Variants in PPP1R36 observed in about 807,000 individuals in gnomAD.
PPP1R36 encodes chromosome 14 open reading frame 50.
Under a neutral mutation model 53.4 loss-of-function variants are expected in PPP1R36, and 47 were observed. The ratio of observed to expected loss-of-function variants is 0.88; its 90% CI spans 0.70 to 1.12. The LOEUF (loss-of-function observed/expected upper bound fraction) is 1.12, where lower values mean the gene tolerates loss of function less well. Ranked by LOEUF, PPP1R36 falls within the 50% of genes most tolerant of loss-of-function variation. PPP1R36 has a pLI of 0.00. For synonymous variants in PPP1R36, 153 were observed against 170.5 expected (o/e 0.90, Z 0.80); for missense variants, 456 against 513.9 (o/e 0.89, Z 1.09).
At chr14:64,576,716 CAT>C (rs1417544135) in intron 8 of PPP1R36, among the ~76,000 whole-genome samples, 3 of 152,100 alleles carry the variant, frequency 2.0e-5, no homozygotes, top group East Asian at 1.9e-4. Flanking sequence ...TTTGATTCAC[CAT>C]GTGTGTGTGA....
Position 64,565,524 on chromosome 14 carries a change from C to T in PPP1R36, c.367+70C>T. 5 of 1,413,532 alleles carry T rather than the reference C, an allele frequency of 3.5e-6. No homozygotes were observed. In the East Asian group the frequency reaches 6.9e-5, roughly 19 times the overall value. 87.6% of individuals were successfully genotyped at this position (1,413,532 alleles called of 1,614,324 possible). A position where few individuals can be genotyped will look rare whatever the true frequency, so the allele number is the denominator to read the frequency against. Reference sequence around the variant, plus strand: ...ATACATACACATATCCATACATAAACATCCGCCCATCTACATATAACATCC... The same window carrying T: ...ATACATACACATATCCATACATAAATATCCGCCCATCTACATATAACATCC... On this transcript the variant is annotated intron_variant, in intron 5 of 11. Coordinates refer to ENST00000298705, the MANE Select transcript of PPP1R36 (RefSeq NM_172365.3).
Position 64,576,991 on chromosome 14 carries a change from A to G in PPP1R36, c.668+2402A>G, listed in dbSNP as rs76561358. 9.9e-3 allele frequency among the ~76,000 whole-genome samples: 1,502 copies of G among 152,308 alleles called. 21 individuals are homozygous for G. Among genetic ancestry groups the G allele is most frequent in the African/African-American group, 0.035 (1,437 of 41,552 alleles). ...CATGTTTTAGCCTGTTTGGGTTGCT[A>G]TAGCAAAGTACCATAGACAGGGTGG... On this transcript the variant is annotated intron_variant, in intron 8 of 11. Transcript: ENST00000298705.
At chr14:64,557,594 G>T (rs1231060486) in intron 3 of PPP1R36, among the ~76,000 whole-genome samples, 1 of 152,118 alleles carries the variant, frequency 6.6e-6, no homozygotes, top group Non-Finnish European at 1.5e-5. Context: ...TTAAAATAAG[G>T]TTTGTACATT....
chr14:64,550,822 T>G (rs2080088441), intron 1 of PPP1R36, 99 bp from the exon 2 acceptor site: 6 of 829,806 alleles, frequency 7.2e-6, no homozygotes, highest in Non-Finnish European at 1.1e-5. Flanking sequence ...ACTTAAAAGA[T>G]GTGTTAGTAA....
chr14:64,561,335 AG>A (rs1306767201), intron 3 of PPP1R36, among the ~76,000 whole-genome samples: 2 of 152,168 alleles, frequency 1.3e-5, no homozygotes, highest in African/African-American at 4.8e-5. Context: ...GAGACAACCT[AG>A]CTCCCTACTC....
At chr14:64,550,130 A>C in intron 1 of PPP1R36, 64 bp downstream of exon 1, 1 of 1,524,328 alleles carries the variant, frequency 6.6e-7, no homozygotes, top group Non-Finnish European at 8.9e-7. Flanking sequence ...GCTGCCCCCA[A>C]CCGGCGCCGC....
intron 8 of PPP1R36, among the ~76,000 whole-genome samples, chr14:64,576,834 C>A (rs1320736167): frequency 2.6e-5 from 4 of 152,164 alleles, no homozygotes; most frequent in Non-Finnish European, 5.9e-5. Flanking sequence ...TGCTGCAGTT[C>A]TGTTATGGAG....
At position 64,585,480 on chromosome 14, in the gene PPP1R36, G is replaced by T. The variant is rs1477809375; in HGVS notation, c.669-1357G>T. ...TGCCGTGAGCCATGATCATGCTACT[G>T]TGCTCCAGCCTGGATGACAGAATGA... is the stretch of plus-strand genomic sequence containing the variant. On this transcript the variant is annotated intron_variant, in intron 8 of 11. Transcript: ENST00000298705. Among the ~76,000 whole-genome samples the T allele has an allele frequency of 7.5e-5, 11 of 146,180 alleles. No homozygotes were observed. In the Admixed American group the frequency reaches 7.6e-4, roughly 10 times the overall value.
At chr14:64,553,592 A>T (rs139970945) in intron 3 of PPP1R36, among the ~76,000 whole-genome samples, 3 of 152,296 alleles carry the variant, frequency 2.0e-5, no homozygotes, top group African/African-American at 7.2e-5. Context: ...AAAAGTTTTG[A>T]CAAATAGGCA....
At chr14:64,551,030 T>C (rs774548280) in intron 2 of PPP1R36, 45 bp downstream of exon 2, 2 of 1,323,326 alleles carry the variant, frequency 1.5e-6, no homozygotes, top group East Asian at 4.6e-5. Context: ...AAAAATTACA[T>C]GTGCCTGGGG....
rs1049400927 is a variant in PPP1R36, at chr14:64,558,903, T to G, written c.183-5848T>G. On this transcript the variant is annotated intron_variant, in intron 3 of 11. Coordinates refer to ENST00000298705, the MANE Select transcript of PPP1R36 (RefSeq NM_172365.3). ...TGCCCGCCTCGGCCTCCCAAAGTGC[T>G]GGGATTACAGGTGTGAGCCACTGTG... 3.9e-5 allele frequency among the ~76,000 whole-genome samples: 6 copies of G among 152,064 alleles called. No homozygotes were observed. In the South Asian group the frequency reaches 1.2e-3, roughly 32 times the overall value.
intron 11 of PPP1R36, chr14:64,588,555 A>ATT (rs34440209): frequency 0.043 from 6,393 of 149,216 alleles, 199 homozygotes; most frequent in East Asian, 0.068. Flanking sequence ...TGAGTAACTG[A>ATT]TTTTTTTTTT....
rs200363604 is a variant in PPP1R36 at position 64,588,075 on chromosome 14, G to C, written c.891-29G>C. The C allele has an allele frequency of 3.2e-6, 5 of 1,567,316 alleles. No homozygotes were observed. In the Admixed American group the frequency reaches 9.0e-5, roughly 28 times the overall value. On this transcript the variant is annotated intron_variant, in intron 10 of 11. Coordinates refer to ENST00000298705, the MANE Select transcript of PPP1R36 (RefSeq NM_172365.3). Reference sequence around the variant, plus strand: ...ACATTTCTAGAAAACAGGGTGATATGACCTAAATGTCACCTTCCTCCCCGA... The same window carrying C: ...ACATTTCTAGAAAACAGGGTGATATCACCTAAATGTCACCTTCCTCCCCGA...
chr14:64,569,165 T>TAC (rs1218612665), intron 7 of PPP1R36, among the ~76,000 whole-genome samples: 1 of 152,200 alleles, frequency 6.6e-6, no homozygotes, highest in Non-Finnish European at 1.5e-5. Flanking sequence ...CGCAGAGGTG[T>TAC]ACACCAGGGC....
At chr14:64,571,606 C>T (rs542203930) in intron 7 of PPP1R36, among the ~76,000 whole-genome samples, 10 of 152,220 alleles carry the variant, frequency 6.6e-5, no homozygotes, top group African/African-American at 2.4e-4. Flanking sequence ...GGTTACATCT[C>T]GTGGAAGACT....
At chr14:64,585,819 C>A (rs983053307) in intron 8 of PPP1R36, among the ~76,000 whole-genome samples, 1 of 152,254 alleles carries the variant, frequency 6.6e-6, no homozygotes, top group Non-Finnish European at 1.5e-5. Context: ...AGGTGCATAA[C>A]CCCCTCAGTC....
At chr14:64,559,689 A>T (rs2140222629) in intron 3 of PPP1R36, among the ~76,000 whole-genome samples, 1 of 152,348 alleles carries the variant, frequency 6.6e-6, no homozygotes, top group South Asian at 2.1e-4. Context: ...ATGGTCCCAG[A>T]CAAAGTAGAT....
At chr14:64,565,307 CA>C in intron 4 of PPP1R36, 49 bp from the exon 5 acceptor site, 1 of 1,314,736 alleles carries the variant, frequency 7.6e-7, no homozygotes. Flanking sequence ...AGATTAAATA[CA>C]ACTAAAATAT....
chr14:64,567,366 A>T (rs552888658), intron 6 of PPP1R36, among the ~76,000 whole-genome samples: 36 of 152,324 alleles, frequency 2.4e-4, no homozygotes, highest in Middle Eastern at 3.4e-3. Context: ...TAATATTTTT[A>T]AAAAAACCAA....
Sources: allele counts gnomAD v4.1 joint callset (sites outside exome capture counted in the v4.1 genomes callset), GRCh38; gene constraint gnomAD v4.1.1; transcripts MANE v1.5; gene names NCBI Gene and HGNC (gene_info 2026-07-23, HGNC 2026-07-21).